ROBO1: variants seen among roughly 807,000 people sequenced by gnomAD.
ROBO1 encodes roundabout guidance receptor 1, also known as roundabout homolog 1.
Under a neutral mutation model 195.9 loss-of-function variants are expected in ROBO1, and 149 were observed. That is an observed-to-expected ratio of 0.76 (90% CI 0.67 to 0.87). The LOEUF (loss-of-function observed/expected upper bound fraction) is 0.87. ROBO1 is among the 40% of genes least tolerant of loss of function. The pLI is 0.00. For missense variants in ROBO1, 1,933 were observed against 2,068.3 expected (o/e 0.93, Z 1.27); for synonymous variants, 816 against 733.2 (o/e 1.11, Z -1.82).
At chr3:78,727,386 G>A (rs2082188195) in intron 5 of ROBO1, among the ~76,000 whole-genome samples, 1 of 152,106 alleles carries the variant, frequency 6.6e-6, no homozygotes, top group South Asian at 2.1e-4. Flanking sequence ...CAGCACTCTG[G>A]GAGGCCGAGG....
chr3:78,907,481 G>A (rs147642194), intron 4 of ROBO1, among the ~76,000 whole-genome samples: 34 of 152,156 alleles, frequency 2.2e-4, no homozygotes, highest in African/African-American at 7.2e-4. Flanking sequence ...TTTCAAATCT[G>A]ACTCAGGGAT....
chr3:79,689,822 A>G (rs1217789896), intron 1 of ROBO1, among the ~76,000 whole-genome samples: 2 of 152,044 alleles, frequency 1.3e-5, no homozygotes, highest in Non-Finnish European at 1.5e-5. Context: ...TGGTAGCAAA[A>G]TGTCTACACA....
intron 2 of ROBO1, among the ~76,000 whole-genome samples, chr3:79,395,877 T>C (rs1410794749): frequency 6.6e-6 from 1 of 152,082 alleles, no homozygotes; most frequent in Non-Finnish European, 1.5e-5. Flanking sequence ...ATTATAAATA[T>C]ATTATGATTA....
At chr3:79,727,598 G>A (rs1002847310) in intron 1 of ROBO1, among the ~76,000 whole-genome samples, 4 of 151,946 alleles carry the variant, frequency 2.6e-5, no homozygotes, top group Admixed American at 6.6e-5. Flanking sequence ...GTTGGATTTT[G>A]GCATCTCTGC....
chr3:79,440,044 C>T (rs2039003151), intron 2 of ROBO1, among the ~76,000 whole-genome samples: 1 of 151,998 alleles, frequency 6.6e-6, no homozygotes, highest in Admixed American at 6.6e-5. Context: ...GCATGCCAGT[C>T]ACAGAAGAGT....
At chr3:79,618,542 C>T (rs147554880) in intron 1 of ROBO1, among the ~76,000 whole-genome samples, 6 of 152,306 alleles carry the variant, frequency 3.9e-5, no homozygotes, top group African/African-American at 1.4e-4. Flanking sequence ...CCCCTGCCCA[C>T]AAGAGAAAAC....
chr3:79,558,176 G>A (rs777649122), intron 2 of ROBO1, among the ~76,000 whole-genome samples: 20 of 152,024 alleles, frequency 1.3e-4, no homozygotes, highest in Admixed American at 2.6e-4. Context: ...TTTACACCAA[G>A]TGTGCCTGCC....
intron 1 of ROBO1, among the ~76,000 whole-genome samples, chr3:79,694,536 G>A (rs1196377279): frequency 6.6e-6 from 1 of 151,606 alleles, no homozygotes. Context: ...TGCAATAAAT[G>A]GCTTGCATTT....
intron 4 of ROBO1, among the ~76,000 whole-genome samples, chr3:78,780,225 T>C (rs1414514680): frequency 6.6e-6 from 1 of 152,162 alleles, no homozygotes; most frequent in African/African-American, 2.4e-5. Flanking sequence ...CTACATGTTC[T>C]GGACATGCAT....
intron 2 of ROBO1, among the ~76,000 whole-genome samples, chr3:79,495,739 A>G (rs777708852): frequency 2.7e-4 from 41 of 152,282 alleles, no homozygotes; most frequent in Non-Finnish European, 5.4e-4. Flanking sequence ...TTGAAAATGA[A>G]CATTTCTTTC....
At chr3:79,545,217 G>A (rs1942221477) in intron 2 of ROBO1, among the ~76,000 whole-genome samples, 1 of 152,082 alleles carries the variant, frequency 6.6e-6, no homozygotes. Context: ...CATCGATGAA[G>A]GCAATAGCAA....
rs61662697 is a variant in ROBO1 at position 79,550,202 on chromosome 3, A to AAAGGAAAG, written c.88+39621_88+39622insCTTTCCTT. The stretch of plus-strand genomic sequence containing the variant: ...AAGAAAGAAAGAAAGAAAGGAAAAG[A>AAAGGAAAG]AAAGAAAAGAAAAGAAAAGAAAAGA... On this transcript the variant is annotated intron_variant, in intron 2 of 30. Coordinates refer to ENST00000464233, the MANE Select transcript of ROBO1 (RefSeq NM_002941.4). Among the ~76,000 whole-genome samples the AAAGGAAAG allele has an allele frequency of 1.8e-4, 19 of 103,136 alleles. No individual in the cohort carries two copies. The South Asian group carries it at 3.1e-3, about 17-fold the overall frequency. 67.7% of individuals were successfully genotyped at this position (103,136 alleles called of 152,430 possible). A position where few individuals can be genotyped will look rare whatever the true frequency, so the allele number is the denominator to read the frequency against.
chr3:79,552,545 TAATA>T (rs1396791035), intron 2 of ROBO1, among the ~76,000 whole-genome samples: 4 of 152,204 alleles, frequency 2.6e-5, no homozygotes, highest in South Asian at 2.1e-4. Context: ...TTCATAAATT[TAATA>T]GATAGAAAAA....
chr3:79,645,483 C>T (rs9856540), intron 1 of ROBO1, among the ~76,000 whole-genome samples: 87,500 of 151,774 alleles, frequency 0.58, 25,515 homozygotes, highest in South Asian at 0.67. Flanking sequence ...GCCCGGGAGA[C>T]AATTTGAAAC....
At chr3:78,875,746 T>G (rs112470796) in intron 4 of ROBO1, among the ~76,000 whole-genome samples, 2 of 152,012 alleles carry the variant, frequency 1.3e-5, no homozygotes, top group African/African-American at 4.8e-5. Flanking sequence ...GAGAGAAGCA[T>G]GAAAATCTGT....
intron 1 of ROBO1, among the ~76,000 whole-genome samples, chr3:79,620,827 T>G (rs1412665898): frequency 1.3e-5 from 2 of 152,020 alleles, no homozygotes; most frequent in Non-Finnish European, 2.9e-5. Flanking sequence ...TTTAAAAGGG[T>G]TAAAGCCTGT....
rs764980779 is a variant in ROBO1 at position 78,627,586 on chromosome 3, G to A, written c.3627-17C>T. The A allele has an allele frequency of 1.3e-6, 2 of 1,596,402 alleles. No individual in the cohort carries two copies. The highest frequency in any genetic ancestry group is 1.3e-5 in the African/African-American group (1 of 74,576). ...TGGTCATAGCTAAAATAAATGATAA[G>A]GATGTGTAGACTTACTTCAGGTTAT... On this transcript the variant is annotated splice_polypyrimidine_tract_variant and intron_variant, in intron 25 of 30. Transcript: ENST00000464233.
chr3:79,717,739 A>G (rs530948429), intron 1 of ROBO1, among the ~76,000 whole-genome samples: 10 of 152,168 alleles, frequency 6.6e-5, no homozygotes, highest in Middle Eastern at 3.4e-3. Flanking sequence ...TTTAAAACTT[A>G]CAGTGCTATT....
Position 78,960,318 on chromosome 3 carries a change from T to G in ROBO1, c.173-21391A>C, listed in dbSNP as rs528267860. On this transcript the variant is annotated intron_variant, in intron 3 of 30. Transcript: ENST00000464233. ...TAATATGTAATATAGCAATATACTT[T>G]TATAATATCATGTTAACATATAGCA... Among the ~76,000 whole-genome samples, 4 of 150,676 alleles carry G rather than the reference T, an allele frequency of 2.7e-5. No homozygotes were observed. In the South Asian group the frequency reaches 8.3e-4, roughly 31 times the overall value.
Sources: allele counts gnomAD v4.1 joint callset (sites outside exome capture counted in the v4.1 genomes callset), GRCh38; gene constraint gnomAD v4.1.1; transcripts MANE v1.5; gene names NCBI Gene and HGNC (gene_info 2026-07-23, HGNC 2026-07-21).